MCPH1: variants seen among roughly 807,000 people sequenced by gnomAD.
MCPH1 encodes the protein microcephalin 1, also known as microcephalin.
Under a neutral mutation model 84.5 loss-of-function variants are expected in MCPH1, and 104 were observed. The observed-to-expected ratio is 1.23, with a 90% CI of 1.05 to 1.45. The LOEUF is 1.45. MCPH1 is among the 40% of genes most tolerant of loss of function. The pLI, the probability that MCPH1 is intolerant of heterozygous loss-of-function variation, is 0.00. For synonymous variants in MCPH1, 514 were observed against 366.8 expected (o/e 1.40, Z -4.58); for missense variants, 1,498 against 1,005.7 (o/e 1.49, Z -6.62).
chr8:6,516,957 G>T (rs77786834), intron 12 of MCPH1, among the ~76,000 whole-genome samples: 4 of 152,190 alleles, frequency 2.6e-5, no homozygotes, highest in Non-Finnish European at 4.4e-5. Flanking sequence ...TTCCATTAGT[G>T]ATGATGATAA....
At chr8:6,529,882 G>GTA (rs34874181) in intron 12 of MCPH1, among the ~76,000 whole-genome samples, 3 of 148,632 alleles carry the variant, frequency 2.0e-5, no homozygotes, top group Non-Finnish European at 4.5e-5. Context: ...CACAATAGGC[G>GTA]TTTTTTTTTT....
At chr8:6,512,967 A>G (rs979684088) in intron 12 of MCPH1, among the ~76,000 whole-genome samples, 1 of 152,260 alleles carries the variant, frequency 6.6e-6, no homozygotes, top group African/African-American at 2.4e-5. Context: ...TTTAAACTTC[A>G]TAAAGACAGA....
intron 12 of MCPH1, among the ~76,000 whole-genome samples, chr8:6,574,162 G>T (rs974133359): frequency 6.6e-6 from 1 of 152,160 alleles, no homozygotes; most frequent in African/African-American, 2.4e-5. Context: ...CTAAGGCTGC[G>T]GTACAATGTG....
chr8:6,527,724 T>C, intron 12 of MCPH1: 2 of 1,488,594 alleles, frequency 1.3e-6, no homozygotes, highest in South Asian at 1.3e-5. Flanking sequence ...TTAATTAGTT[T>C]AACTTTCTAA....
chr8:6,548,708 A>G (rs1823053184), intron 12 of MCPH1, among the ~76,000 whole-genome samples: 1 of 152,322 alleles, frequency 6.6e-6, no homozygotes, highest in African/African-American at 2.4e-5. Flanking sequence ...CACAGAAGCA[A>G]GCTCCCATTG....
intron 10 of MCPH1, among the ~76,000 whole-genome samples, chr8:6,479,379 A>T (rs959967656): frequency 4.6e-5 from 7 of 151,840 alleles, no homozygotes; most frequent in African/African-American, 1.5e-4. Context: ...ATTTTTGGAG[A>T]GGAGAGATGT....
chr8:6,522,791 G>C (rs1817619978), intron 12 of MCPH1, among the ~76,000 whole-genome samples: 1 of 150,756 alleles, frequency 6.6e-6, no homozygotes, highest in Non-Finnish European at 1.5e-5. Flanking sequence ...AAAAAGAAAA[G>C]AAAAGAAATG....
chr8:6,414,666 T>G, intron 2 of MCPH1, 99 bp from the exon 3 acceptor site: 7 of 1,331,932 alleles, frequency 5.3e-6, no homozygotes, highest in Non-Finnish European at 6.3e-6. Flanking sequence ...TGTCAGATGT[T>G]GAGAAACAGA....
At chr8:6,642,863 G>C (rs1255037838) in intron 13 of MCPH1, 131 bp from the exon 14 acceptor site, 2 of 787,426 alleles carry the variant, frequency 2.5e-6, no homozygotes, top group Admixed American at 2.0e-5. Context: ...ATGGACGTGG[G>C]GGGGCCTATG....
chr8:6,647,461 A>G lies in MCPH1; in HGVS notation c.*4412A>G, dbSNP rs1798266492. 6.6e-6 allele frequency: 1 copy of G among 152,240 alleles called. No individual in the cohort carries two copies. Among genetic ancestry groups the G allele is most frequent in the African/African-American group, 2.4e-5 (1 of 41,466 alleles). 9.4% of individuals were successfully genotyped at this position (152,240 alleles called of 1,614,324 possible). On this transcript the variant is annotated 3_prime_UTR_variant, in exon 14 of 14. Coordinates refer to ENST00000344683, the MANE Select transcript of MCPH1 (RefSeq NM_024596.5). ...AATACATGAAAACATGGATCTGCAC[A>G]AGGTCTTGTATACAAATGTTCATAG...
intron 12 of MCPH1, chr8:6,503,024 G>A (rs1319816985): frequency 1.7e-5 from 27 of 1,548,416 alleles, no homozygotes; most frequent in Admixed American, 5.1e-5. Flanking sequence ...GACACAGTGC[G>A]CAGCCGTGAC....
intron 3 of MCPH1, among the ~76,000 whole-genome samples, chr8:6,416,627 G>C (rs1344861376): frequency 2.6e-5 from 4 of 152,150 alleles, no homozygotes; most frequent in African/African-American, 9.7e-5. Flanking sequence ...GGTTTTGTGT[G>C]TTGAAGCAAC....
At chr8:6,526,009 C>G (rs1454507798) in intron 12 of MCPH1, among the ~76,000 whole-genome samples, 1 of 152,006 alleles carries the variant, frequency 6.6e-6, no homozygotes, top group Admixed American at 6.6e-5. Flanking sequence ...CTGGACATAT[C>G]CTAGGTTTGT....
intron 12 of MCPH1, among the ~76,000 whole-genome samples, chr8:6,553,475 C>T (rs763262749): frequency 2.0e-5 from 3 of 152,080 alleles, no homozygotes; most frequent in Non-Finnish European, 4.4e-5. Context: ...ATTGCGTCGG[C>T]TTCACACGTC....
intron 3 of MCPH1, among the ~76,000 whole-genome samples, chr8:6,419,108 C>G (rs550113494): frequency 1.3e-5 from 2 of 151,182 alleles, no homozygotes; most frequent in Admixed American, 6.6e-5. Flanking sequence ...GACTTCAACC[C>G]TTTTATATTT....
chr8:6,620,855 A>C (rs527984289), intron 12 of MCPH1: 36 of 159,380 alleles, frequency 2.3e-4, no homozygotes, highest in Non-Finnish European at 4.6e-4. Flanking sequence ...CCAACAGCTC[A>C]TTGAAACAAT....
chr8:6,474,990 T>C (rs1808248827), intron 9 of MCPH1, among the ~76,000 whole-genome samples: 1 of 152,216 alleles, frequency 6.6e-6, no homozygotes, highest in Admixed American at 6.5e-5. Flanking sequence ...TAGGAATACT[T>C]TTTTTAGTGC....
chr8:6,506,579 C>T (rs7834316), intron 12 of MCPH1, among the ~76,000 whole-genome samples: 1,945 of 152,188 alleles, frequency 0.013, 43 homozygotes, highest in African/African-American at 0.045. Flanking sequence ...AAACAAAGTC[C>T]TAGGTGTCTG....
Position 6,499,947 on chromosome 8 carries a change from T to C in MCPH1, c.2214+18T>C, listed in dbSNP as rs764775348. ...CAGCTCCCGTAAGTCAGATGTTGTT[T>C]TACGATGGTAAATGCAGTTTGCTGT... On this transcript the variant is annotated intron_variant, in intron 12 of 13. Transcript: ENST00000344683. The C allele has an allele frequency of 6.2e-7, 1 of 1,606,238 alleles. No homozygotes were observed. The highest frequency in any genetic ancestry group is 8.5e-7 in the Non-Finnish European group (1 of 1,173,140).
Sources: gnomAD v4.1 joint callset for allele counts (sites outside exome capture counted in the v4.1 genomes callset) on GRCh38, gnomAD v4.1.1 for gene constraint, MANE v1.5 for transcripts, NCBI Gene and HGNC (gene_info 2026-07-23, HGNC 2026-07-21) for gene names.